CCDC3: variants seen among roughly 807,000 people sequenced by gnomAD.
CCDC3 encodes coiled-coil domain-containing protein 3.
In CCDC3, 24 loss-of-function variants were observed where a neutral mutation model predicts 21.4. The ratio of observed to expected loss-of-function variants is 1.12; its 90% CI spans 0.81 to 1.58. CCDC3 has a LOEUF of 1.58. Ranked by LOEUF, CCDC3 falls within the 40% of genes most tolerant of loss-of-function variation. CCDC3 has a pLI of 0.00. For synonymous variants in CCDC3, 186 were observed against 166.0 expected, an observed-to-expected ratio of 1.12 and a Z score of -0.93; for missense variants, 425 against 360.9, an observed-to-expected ratio of 1.18 and a Z score of -1.44.
intron 2 of CCDC3, among the ~76,000 whole-genome samples, chr10:12,968,461 C>T (rs943070361): frequency 4.6e-5 from 7 of 152,176 alleles, no homozygotes; most frequent in African/African-American, 1.4e-4. Flanking sequence ...TCATCACCAA[C>T]AGACCTGTCT....
At chr10:13,033,696 C>G (rs1836336388) in intron 5 of CCDC3, among the ~76,000 whole-genome samples, 2 of 152,210 alleles carry the variant, frequency 1.3e-5, no homozygotes, top group African/African-American at 4.8e-5. Flanking sequence ...TGAACAGACA[C>G]TTCTCAAAAG....
At chr10:12,908,073 T>C (rs1008530969) in intron 2 of CCDC3, among the ~76,000 whole-genome samples, 24 of 152,252 alleles carry the variant, frequency 1.6e-4, no homozygotes, top group African/African-American at 5.5e-4. Flanking sequence ...CTTGGGTGAA[T>C]TGCCTGCCAT....
At chr10:13,059,052 G>A (rs1436078514) in intron 4 of CCDC3, among the ~76,000 whole-genome samples, 1 of 152,232 alleles carries the variant, frequency 6.6e-6, no homozygotes, top group Non-Finnish European at 1.5e-5. Flanking sequence ...CAGGGAGGAA[G>A]GGAGTGTGGC....
At chr10:13,008,083 C>T (rs605179) in intron 5 of CCDC3, among the ~76,000 whole-genome samples, 120,693 of 152,054 alleles carry the variant, frequency 0.79, 48,954 homozygotes, top group Non-Finnish European at 0.87. Flanking sequence ...GTCATGTGGT[C>T]TCAGGCTCCA....
At chr10:12,985,515 G>T (rs1319373795) in intron 2 of CCDC3, among the ~76,000 whole-genome samples, 1 of 152,146 alleles carries the variant, frequency 6.6e-6, no homozygotes, top group African/African-American at 2.4e-5. Context: ...GCTAAAAACT[G>T]AAAGTTACCG....
chr10:13,098,564 G>A (rs1832662961), exon 3 of CCDC3: 1 of 152,112 alleles, frequency 6.6e-6, no homozygotes, highest in Non-Finnish European at 1.5e-5. Context: ...ACCCTTTTCT[G>A]CCGATCCCAG....
chr10:13,003,304 C>T (rs1051030888), upstream of CCDC3, among the ~76,000 whole-genome samples: 1 of 152,144 alleles, frequency 6.6e-6, no homozygotes, highest in Non-Finnish European at 1.5e-5. Context: ...AAACAATATT[C>T]TGAAGTAGAT....
rs146318432 is a variant in CCDC3 at position 13,011,485 on chromosome 10, G to A, written c.-1-12973C>T. 3.4e-3 allele frequency among the ~76,000 whole-genome samples: 522 copies of A among 152,204 alleles called. 6 individuals are homozygous for A. Among genetic ancestry groups the A allele is most frequent in the African/African-American group, 0.012 (501 of 41,540 alleles). ...CCTAGGAATACAGCTAACCAGGGAGGTGAAAGATCTCTACAATAAGAATTA... is the reference window on the plus strand; with the variant it reads ...CCTAGGAATACAGCTAACCAGGGAGATGAAAGATCTCTACAATAAGAATTA... On this transcript the variant is annotated intron_variant, in intron 5 of 6. Transcript: ENST00000378839.
chr10:13,054,530 C>T (rs567656952), intron 4 of CCDC3, among the ~76,000 whole-genome samples: 1 of 152,178 alleles, frequency 6.6e-6, no homozygotes, highest in South Asian at 2.1e-4. Context: ...CTTTGGGTAC[C>T]CCCTGGCCTA....
At chr10:13,085,432 C>T (rs907628433) in intron 3 of CCDC3, among the ~76,000 whole-genome samples, 8 of 152,320 alleles carry the variant, frequency 5.3e-5, no homozygotes, top group African/African-American at 9.6e-5. Flanking sequence ...AATTTAACAA[C>T]GGGAGGTCCT....
At chr10:13,074,929 A>T (rs1179563788) in intron 3 of CCDC3, among the ~76,000 whole-genome samples, 1 of 152,206 alleles carries the variant, frequency 6.6e-6, no homozygotes, top group Non-Finnish European at 1.5e-5. Flanking sequence ...CTTCTTTAAG[A>T]TGCTGGCCCT....
At chr10:12,908,663 G>GC (rs1298297935) in intron 2 of CCDC3, among the ~76,000 whole-genome samples, 1 of 149,336 alleles carries the variant, frequency 6.7e-6, no homozygotes, top group Non-Finnish European at 1.5e-5. Context: ...ATGCTGGAGT[G>GC]CAGAGGTGTG....
chr10:12,941,910 C>CTAAAGAATGGAGACGG (rs1834837429), intron 2 of CCDC3, among the ~76,000 whole-genome samples: 1 of 152,182 alleles, frequency 6.6e-6, no homozygotes, highest in South Asian at 2.1e-4. Flanking sequence ...GACTAAGTAA[C>CTAAAGAATGGAGACGG]TAAAGAATGG....
intron 4 of CCDC3, among the ~76,000 whole-genome samples, chr10:13,068,253 G>A (rs7893318): frequency 0.32 from 49,252 of 151,694 alleles, 8,237 homozygotes; most frequent in African/African-American, 0.39. Flanking sequence ...GGCAACACCC[G>A]GAAGCCAATA....
chr10:13,072,026 G>A (rs1293926943), intron 4 of CCDC3, among the ~76,000 whole-genome samples: 1 of 152,098 alleles, frequency 6.6e-6, no homozygotes, highest in African/African-American at 2.4e-5. Flanking sequence ...CCAAATGCTG[G>A]CAAAAGGGTA....
At chr10:13,082,114 T>A (rs1423111915) in intron 3 of CCDC3, among the ~76,000 whole-genome samples, 1 of 151,604 alleles carries the variant, frequency 6.6e-6, no homozygotes. Flanking sequence ...CAAGACAAAG[T>A]GATAGAAGAA....
At chr10:13,093,868 ACAGCCAGGC>A (rs1832603573) in intron 3 of CCDC3, among the ~76,000 whole-genome samples, 2 of 152,226 alleles carry the variant, frequency 1.3e-5, no homozygotes, top group African/African-American at 4.8e-5. Context: ...CTAAAATTAG[ACAGCCAGGC>A]CATTTTTCAC....
At chr10:12,983,843 G>C (rs1228662403) in intron 2 of CCDC3, among the ~76,000 whole-genome samples, 3 of 152,080 alleles carry the variant, frequency 2.0e-5, no homozygotes, top group Non-Finnish European at 4.4e-5. Flanking sequence ...ACTTTGGGAG[G>C]CTGAGGTGGG....
intron 3 of CCDC3, among the ~76,000 whole-genome samples, chr10:13,084,287 C>CTTTTCTT (rs1837076677): frequency 2.0e-5 from 2 of 102,234 alleles, no homozygotes; most frequent in South Asian, 5.6e-4. Context: ...CTTTTCTTTT[C>CTTTTCTT]TTTTTTTTTT....
Sources: gnomAD v4.1 joint callset for allele counts (sites outside exome capture counted in the v4.1 genomes callset) on GRCh38, gnomAD v4.1.1 for gene constraint, MANE v1.5 for transcripts, NCBI Gene and HGNC (gene_info 2026-07-23, HGNC 2026-07-21) for gene names.